The following INPP5A variants were observed in gnomAD, a reference collection of about 807,000 sequenced individuals.
The protein encoded by INPP5A is inositol polyphosphate-5-phosphatase A, also known as 43 kDa inositol polyphosphate 5-phophatase.
A neutral mutation model predicts 65.2 loss-of-function variants in INPP5A; 14 were observed. The observed-to-expected ratio is 0.21, with a 90% CI of 0.14 to 0.34. INPP5A has a LOEUF of 0.34. Ranked by LOEUF, INPP5A falls within the 10% of genes least tolerant of loss-of-function variation. The pLI is 1.00. For synonymous variants in INPP5A, 207 were observed against 208.3 expected, an observed-to-expected ratio of 0.99 and a Z score of 0.05; for missense variants, 431 against 545.6, an observed-to-expected ratio of 0.79 and a Z score of 2.09.
At chr10:132,721,535 C>G (rs998048298) in intron 8 of INPP5A, among the ~76,000 whole-genome samples, 8 of 134,404 alleles carry the variant, frequency 6.0e-5, no homozygotes. Flanking sequence ...GGCTATCTTG[C>G]GGTTTCTGTG....
At chr10:132,723,417 C>A (rs1226420019) in intron 8 of INPP5A, among the ~76,000 whole-genome samples, 2 of 152,192 alleles carry the variant, frequency 1.3e-5, no homozygotes, top group Admixed American at 1.3e-4. Flanking sequence ...TCCTGCGACA[C>A]CGCACACAGA....
intron 11 of INPP5A, among the ~76,000 whole-genome samples, chr10:132,763,656 C>T (rs1846774825): frequency 6.6e-6 from 1 of 151,196 alleles, no homozygotes; most frequent in Non-Finnish European, 1.5e-5. Flanking sequence ...TGCACACACA[C>T]ATGCCTGTGC....
intron 1 of INPP5A, among the ~76,000 whole-genome samples, chr10:132,566,758 A>C (rs1364030526): frequency 6.6e-6 from 1 of 152,242 alleles, no homozygotes; most frequent in Non-Finnish European, 1.5e-5. Flanking sequence ...AGGCATTTCC[A>C]CTAGTGTCAG....
At chr10:132,779,269 C>G (rs747333416) in intron 13 of INPP5A, among the ~76,000 whole-genome samples, 1 of 152,246 alleles carries the variant, frequency 6.6e-6, no homozygotes, top group Non-Finnish European at 1.5e-5. Context: ...CTGGTAGGCA[C>G]GCCAGTCCCT....
At chr10:132,708,411 CT>C in intron 7 of INPP5A, 46 bp downstream of exon 7, 1 of 1,564,164 alleles carries the variant, frequency 6.4e-7, no homozygotes, top group Non-Finnish European at 8.8e-7. Flanking sequence ...GTTTCTTACC[CT>C]TTTATATCTT....
chr10:132,672,514 G>A lies in INPP5A; in HGVS notation c.307-17878G>A, dbSNP rs1016374153. ...TACAAAGAGGAGTTTCCCTGCACAA[G>A]CTCTTTCTTTGCCTGCTTCCATCCA... is the stretch of plus-strand genomic sequence containing the variant. On this transcript the variant is annotated intron_variant, in intron 4 of 15. Coordinates refer to ENST00000368594, the MANE Select transcript of INPP5A (RefSeq NM_005539.5). Among the ~76,000 whole-genome samples the A allele has an allele frequency of 3.3e-5, 5 of 152,164 alleles. 1 individual carries two copies. The highest frequency in any genetic ancestry group is 6.5e-5 in the Admixed American group (1 of 15,270).
At chr10:132,720,719 C>T (rs1346092129) in intron 8 of INPP5A, among the ~76,000 whole-genome samples, 1 of 146,574 alleles carries the variant, frequency 6.8e-6, no homozygotes, top group African/African-American at 2.5e-5. Flanking sequence ...CTTCAGGGTT[C>T]TGTGGTGCCT....
intron 1 of INPP5A, among the ~76,000 whole-genome samples, chr10:132,586,623 G>A (rs1045402736): frequency 2.0e-5 from 3 of 152,246 alleles, no homozygotes; most frequent in Non-Finnish European, 2.9e-5. Flanking sequence ...CTCCTGTGAA[G>A]TCACTGGAAT....
intron 2 of INPP5A, among the ~76,000 whole-genome samples, chr10:132,612,553 G>T (rs2071974925): frequency 1.3e-5 from 2 of 152,042 alleles, no homozygotes; most frequent in African/African-American, 4.8e-5. Flanking sequence ...TGTGCAGGGG[G>T]CCTGGCACTC....
intron 1 of INPP5A, among the ~76,000 whole-genome samples, chr10:132,590,326 C>T (rs2819719): frequency 0.25 from 37,391 of 151,706 alleles, 5,447 homozygotes; most frequent in East Asian, 0.49. Context: ...GTGATGATGC[C>T]GTTCTGTGTG....
rs1322226312 is a variant in INPP5A, at chr10:132,549,562, C to A, written c.75+11391C>A. 6.6e-6 allele frequency among the ~76,000 whole-genome samples: 1 copy of A among 152,236 alleles called. No individual in the cohort carries two copies. The highest frequency in any genetic ancestry group is 1.5e-5 in the Non-Finnish European group (1 of 68,044). On this transcript the variant is annotated intron_variant, in intron 1 of 15. Coordinates refer to ENST00000368594, the MANE Select transcript of INPP5A (RefSeq NM_005539.5). The surrounding 1 kb of genome is among the most constrained non-coding windows in gnomAD (Gnocchi z 4.9). The stretch of plus-strand genomic sequence containing the variant: ...CCCTCTGCCCACCCCTCCAGGAGGG[C>A]CTGTGGGATGCGAGGCCTCTGCTAC...
intron 1 of INPP5A, among the ~76,000 whole-genome samples, chr10:132,578,123 T>C (rs2071431711): frequency 2.6e-5 from 4 of 152,254 alleles, no homozygotes; most frequent in African/African-American, 9.6e-5. Flanking sequence ...GGGGAAGTTA[T>C]TTCACCATTG....
At chr10:132,552,347 C>T (rs1297292395) in intron 1 of INPP5A, among the ~76,000 whole-genome samples, 5 of 106,388 alleles carry the variant, frequency 4.7e-5, no homozygotes, top group East Asian at 5.9e-4. Context: ...GGAGGGAGGA[C>T]TGGTGAACAC....
At position 132,608,893 on chromosome 10, in the gene INPP5A, C is replaced by T. The variant is rs566231661; in HGVS notation, c.117+937C>T. On this transcript the variant is annotated intron_variant, in intron 2 of 15. Transcript: ENST00000368594. The stretch of plus-strand genomic sequence containing the variant: ...TGGGGGTGTGGGACCTGGGGGGTGG[C>T]CCGACCTGGGCCTGAGGTGCTGGGC... Among the ~76,000 whole-genome samples, 7 of 152,260 alleles carry T rather than the reference C, an allele frequency of 4.6e-5. No homozygotes were observed. In the South Asian group the frequency reaches 1.0e-3, roughly 23 times the overall value.
intron 12 of INPP5A, among the ~76,000 whole-genome samples, chr10:132,774,082 CTG>C (rs1267601871): frequency 6.6e-6 from 1 of 152,232 alleles, no homozygotes; most frequent in Non-Finnish European, 1.5e-5. Context: ...TCTTGGAAGT[CTG>C]TGCCGCTTCC....
intron 1 of INPP5A, among the ~76,000 whole-genome samples, chr10:132,576,068 A>C (rs1415778714): frequency 3.3e-5 from 5 of 152,068 alleles, no homozygotes; most frequent in Admixed American, 2.6e-4. Context: ...CTCCTTGGTG[A>C]CCAGACTCTG....
chr10:132,719,720 C>T (rs1183946420), intron 8 of INPP5A, among the ~76,000 whole-genome samples: 1 of 150,378 alleles, frequency 6.6e-6, no homozygotes, highest in African/African-American at 2.5e-5. Context: ...TGTCTGGGCG[C>T]CTTAGACGGC....
At chr10:132,657,543 C>A (rs924162544) in intron 4 of INPP5A, among the ~76,000 whole-genome samples, 6 of 152,234 alleles carry the variant, frequency 3.9e-5, no homozygotes, top group African/African-American at 1.4e-4. Flanking sequence ...CAGGCAGTGG[C>A]CCTGGTGCTC....
chr10:132,723,467 A>ATTGGCCGTGTGGGGATTGGCCG (rs1564984321), intron 8 of INPP5A, among the ~76,000 whole-genome samples: 1 of 120,726 alleles, frequency 8.3e-6, no homozygotes, highest in African/African-American at 3.4e-5. Context: ...GGGATTGGCC[A>ATTGGCCGTGTGGGGATTGGCCG]TGTGGGGATT....
Sources: gnomAD v4.1 joint callset for allele counts (sites outside exome capture counted in the v4.1 genomes callset) on GRCh38, gnomAD v4.1.1 for gene constraint, Gnocchi (gnomAD v3.1) non-coding constraint, MANE v1.5 for transcripts, NCBI Gene and HGNC (gene_info 2026-07-23, HGNC 2026-07-21) for gene names.